Variants in GIT1 observed in about 807,000 individuals in gnomAD.
The protein encoded by GIT1 is GIT ArfGAP 1, also known as ARF GTPase-activating protein GIT1.
GIT1 carries 14 observed loss-of-function variants against 91.7 expected under a neutral mutation model. That is an observed-to-expected ratio of 0.15 (90% CI 0.10 to 0.24). The LOEUF is 0.24. Ranked by LOEUF, GIT1 falls within the 10% of genes least tolerant of loss-of-function variation. The pLI is 1.00. For synonymous variants in GIT1, 414 were observed against 418.2 expected (o/e 0.99, Z 0.12); for missense variants, 717 against 1,024.9 (o/e 0.70, Z 4.10).
At chr17:29,582,448 A>T (rs1394271757) in intron 4 of GIT1, among the ~76,000 whole-genome samples, 1 of 152,130 alleles carries the variant, frequency 6.6e-6, no homozygotes, top group African/African-American at 2.4e-5. Context: ...CTAAGCAACT[A>T]CCCCCAGGTT....
chr17:29,577,044 A>G (rs1462308422), intron 11 of GIT1, 48 bp from the exon 12 acceptor site: 1 of 1,606,966 alleles, frequency 6.2e-7, no homozygotes, highest in South Asian at 1.1e-5. Context: ...CACACAACCC[A>G]TCTCTCAGGT....
Position 29,576,403 on chromosome 17 carries a change from C to G in GIT1, c.1428G>C (p.Gly476=), listed in dbSNP as rs141686136. The change falls in exon 14 of 20, where the codon GGG becomes GGC. Residue 476 remains glycine, a synonymous_variant. Coordinates refer to ENST00000225394, the MANE Select transcript of GIT1 (RefSeq NM_014030.4). ...TGGGGAGTGGAGGTGTGGGCACCGG[C>G]CCTGGAGGCTGCCGGAGCTGCAGGT... ...AENLQLRQPP[G]PVPTPPLPSE... is the part of the protein sequence containing the mutation. The G allele has an allele frequency of 5.0e-6, 8 of 1,613,164 alleles. No individual in the cohort carries two copies. Among genetic ancestry groups the G allele is most frequent in the Non-Finnish European group, 6.8e-6 (8 of 1,179,894 alleles).
In GIT1 at chr17:29,581,646, T is replaced by C; in HGVS notation, c.718+96A>G. On this transcript the variant is annotated intron_variant, in intron 6 of 19. Coordinates refer to ENST00000225394, the MANE Select transcript of GIT1 (RefSeq NM_014030.4). The surrounding 1 kb of genome is among the most constrained non-coding windows in gnomAD (Gnocchi z 4.8). ...TAGCAACATTGCTCCCCAGCCGCTC[T>C]GTCACCATGGCACCTGCTGCCGGGT... 1.1e-6 allele frequency: 1 copy of C among 938,432 alleles called. No homozygotes were observed. The highest frequency in any genetic ancestry group is 1.7e-6 in the Non-Finnish European group (1 of 592,036). The allele number at this position is 938,432 out of a possible 1,614,324, so 58.1% of individuals were successfully genotyped here.
At position 29,581,167 on chromosome 17, in the gene GIT1, T is replaced by C. The variant is rs1193060193; in HGVS notation, c.761+171A>G. ...GGGCCACATATGGAGCTGACATTTT[T>C]TACCTGCCTTGGGGCCCAGCATTAG... On this transcript the variant is annotated intron_variant, in intron 7 of 19. Coordinates refer to ENST00000225394, the MANE Select transcript of GIT1 (RefSeq NM_014030.4). This position sits in a 1 kb window ranked among gnomAD's most constrained non-coding sequence, Gnocchi z 4.8. 6.4e-6 allele frequency: 4 copies of C among 629,294 alleles called. No individual in the cohort carries two copies. Among genetic ancestry groups the C allele is most frequent in the Non-Finnish European group, 1.1e-5 (4 of 348,910 alleles). The allele number at this position is 629,294 out of a possible 1,614,324, so 39.0% of individuals were successfully genotyped here.
chr17:29,585,400 A>G (rs1195460426), intron 1 of GIT1, among the ~76,000 whole-genome samples: 1 of 152,174 alleles, frequency 6.6e-6, no homozygotes, highest in Non-Finnish European at 1.5e-5. Context: ...GTCCTACCGG[A>G]GAAGCCAGGC....
At position 29,581,774 on chromosome 17, in the gene GIT1, C is replaced by A; in HGVS notation, c.686G>T (p.Arg229Leu). Residue 229 changes from arginine to leucine, a missense_variant, in exon 6 of 20, where the codon CGG becomes CTG. Arg to Leu is a moderately radical substitution (Grantham distance 102). Coordinates refer to ENST00000225394, the MANE Select transcript of GIT1 (RefSeq NM_014030.4). The surrounding 1 kb of genome is among the most constrained non-coding windows in gnomAD (Gnocchi z 4.8). ...GCGTCCACAGAGGTAGAAGGCCAGC[C>A]GGTCAGTGAGCTCATATTGGCACTC... ...LVECQYELTD[R>L]LAFYLCGRKP... 6.2e-7 allele frequency: 1 copy of A among 1,612,036 alleles called. No homozygotes were observed. The highest frequency in any genetic ancestry group is 8.5e-7 in the Non-Finnish European group (1 of 1,179,942).
intron 1 of GIT1, among the ~76,000 whole-genome samples, chr17:29,585,084 G>A (rs925864369): frequency 1.3e-5 from 2 of 149,756 alleles, no homozygotes; most frequent in East Asian, 2.0e-4. Flanking sequence ...CAAGGTGACC[G>A]CCAACACCTT....
chr17:29,578,646 C>T (rs1294295432), intron 8 of GIT1, 85 bp downstream of exon 8: 1 of 1,238,508 alleles, frequency 8.1e-7, no homozygotes, highest in Non-Finnish European at 1.2e-6. Flanking sequence ...GTCATCGAGT[C>T]AGAGGCAGAG....
chr17:29,582,536 C>T (rs538638786), intron 4 of GIT1, among the ~76,000 whole-genome samples, 162 bp downstream of exon 4: 3 of 152,342 alleles, frequency 2.0e-5, no homozygotes, highest in South Asian at 4.1e-4. Context: ...CAGCCACACA[C>T]GGCCTGACCC....
chr17:29,583,338 A>G (rs542980009), intron 2 of GIT1, 145 bp downstream of exon 2: 108 of 765,732 alleles, frequency 1.4e-4, no homozygotes, highest in Admixed American at 9.5e-4. Context: ...GGAAAGGGTC[A>G]GGATTAGCCT....
intron 19 of GIT1, 31 bp from the exon 20 acceptor site, chr17:29,574,945 G>C: frequency 1.3e-6 from 2 of 1,528,732 alleles, no homozygotes; most frequent in Non-Finnish European, 1.8e-6. Context: ...GCTGGACCTT[G>C]GACTTTAAGC....
intron 1 of GIT1, among the ~76,000 whole-genome samples, chr17:29,586,601 G>A (rs1236181907): frequency 6.6e-6 from 1 of 152,178 alleles, no homozygotes; most frequent in Non-Finnish European, 1.5e-5. Context: ...ACACTATGAA[G>A]AGACAAATCA....
chr17:29,589,159 C>T lies in GIT1; in HGVS notation c.52+168G>A, dbSNP rs2033712182. On this transcript the variant is annotated intron_variant, in intron 1 of 19. Coordinates refer to ENST00000225394, the MANE Select transcript of GIT1 (RefSeq NM_014030.4). The surrounding 1 kb of genome is among the most constrained non-coding windows in gnomAD (Gnocchi z 5.2). ...GCATGGGCACCCCAGGCCGGCCCTC[C>T]CGCCAAGGGCGCAGCTCCGCAGTGG... is the stretch of plus-strand genomic sequence containing the variant. Among the ~76,000 whole-genome samples the T allele has an allele frequency of 6.6e-6, 1 of 151,978 alleles. No homozygotes were observed. Among genetic ancestry groups the T allele is most frequent in the African/African-American group, 2.4e-5 (1 of 41,450 alleles).
In GIT1 at chr17:29,576,870, C is replaced by T. The variant is rs1379468390; in HGVS notation, c.1220G>A (p.Arg407Gln). ...LRSTGATRSN[R>Q]ARSMDSSDLS... is the part of the protein sequence containing the mutation. ...GGAGGGTGGGACTCAGACCCGGGCC[C>T]GGTTGCTCCGAGTGGCGCCGGTGCT... Residue 407 changes from arginine (R) to glutamine (Q), a missense_variant, in exon 12 of 20, where the codon CGG (arginine) becomes CAG (glutamine). This residue lies in a region of GIT1 where 312 missense variants were observed against 349.5 expected (regional missense o/e 0.89). Transcript: ENST00000225394. The T allele has an allele frequency of 4.4e-6, 7 of 1,575,048 alleles. No homozygotes were observed. Among genetic ancestry groups the T allele is most frequent in the African/African-American group, 1.3e-5 (1 of 74,390 alleles).
At chr17:29,576,723 A>G (rs1314366820) in intron 12 of GIT1, 49 bp from the exon 13 acceptor site, 2 of 1,608,544 alleles carry the variant, frequency 1.2e-6, no homozygotes, top group South Asian at 1.1e-5. Flanking sequence ...AGGGAGGCCA[A>G]CACCCGCAGG....
rs889591923 is a variant in GIT1 at position 29,582,125 on chromosome 17, C to T, written c.425G>A (p.Arg142Gln). Residue 142 changes from arginine to glutamine, a missense_variant, in exon 5 of 20, where the codon CGG (arginine) becomes CAG (glutamine). This residue lies in a region of GIT1 where 271 missense variants were observed against 451.6 expected (regional missense o/e 0.60). Transcript: ENST00000225394. ...DLSKQLHSSVRTGNLETCLRL... is the reference protein window; with the variant it reads ...DLSKQLHSSVQTGNLETCLRL... ...CAGACATGTCTCCAGGTTGCCTGTC[C>T]GCACGCTCGAGTGTAGTTGCTAAGA... 5.7e-6 allele frequency: 9 copies of T among 1,584,394 alleles called. No individual in the cohort carries two copies. Among genetic ancestry groups the T allele is most frequent in the South Asian group, 1.1e-5 (1 of 89,274 alleles).
intron 2 of GIT1, 113 bp from the exon 3 acceptor site, chr17:29,583,150 CCTA>C (rs1377673198): frequency 2.1e-5 from 15 of 721,190 alleles, no homozygotes; most frequent in Non-Finnish European, 3.4e-5. Flanking sequence ...ACCAAGGGGG[CCTA>C]CTGTGTGCCC....
intron 4 of GIT1, 57 bp downstream of exon 4, chr17:29,582,641 A>G: frequency 8.4e-7 from 1 of 1,183,670 alleles, no homozygotes; most frequent in Non-Finnish European, 1.3e-6. Flanking sequence ...GCCTTCAGAG[A>G]GTCGTGGATG....
chr17:29,575,279 A>G lies in GIT1; in HGVS notation c.2009+9T>C. On this transcript the variant is annotated intron_variant, in intron 18 of 19. Transcript: ENST00000225394. This position sits in a 1 kb window ranked among gnomAD's most constrained non-coding sequence, Gnocchi z 5.5. ...CTGCATCCCCCTCACCTCCCCCTCCACTCAGTACCTGTCATGCTTGAACTC... is the reference window on the plus strand; with the variant it reads ...CTGCATCCCCCTCACCTCCCCCTCCGCTCAGTACCTGTCATGCTTGAACTC... 6.2e-7 allele frequency: 1 copy of G among 1,606,380 alleles called. No individual in the cohort carries two copies. Among genetic ancestry groups the G allele is most frequent in the Non-Finnish European group, 8.5e-7 (1 of 1,176,074 alleles).
Sources: gnomAD v4.1 joint callset for allele counts (sites outside exome capture counted in the v4.1 genomes callset) on GRCh38, gnomAD v4.1.1 for gene constraint, gnomAD v4.1.1 regional missense constraint, Gnocchi (gnomAD v3.1) non-coding constraint, MANE v1.5 for transcripts, NCBI Gene and HGNC (gene_info 2026-07-23, HGNC 2026-07-21) for gene names.